ELOVL5: variants seen among roughly 807,000 people sequenced by gnomAD.
The protein encoded by ELOVL5 is ELOVL fatty acid elongase 5, also known as very long chain fatty acid elongase 5.
In ELOVL5, 8 loss-of-function variants were observed where a neutral mutation model predicts 38.6. The ratio of observed to expected loss-of-function variants is 0.21; its 90% CI spans 0.12 to 0.37. The LOEUF is 0.37. Ranked by LOEUF, ELOVL5 falls within the 10% of genes least tolerant of loss-of-function variation. The pLI is 1.00. For missense variants in ELOVL5, 280 were observed against 367.8 expected (o/e 0.76, Z 1.95); for synonymous variants, 127 against 133.7 (o/e 0.95, Z 0.34).
At chr6:53,272,258 T>C (rs1373098103) in intron 6 of ELOVL5, among the ~76,000 whole-genome samples, 2 of 152,222 alleles carry the variant, frequency 1.3e-5, no homozygotes, top group Admixed American at 1.3e-4. Flanking sequence ...CAGCTAGCTT[T>C]GGCCTATTGA....
intron 1 of ELOVL5, among the ~76,000 whole-genome samples, chr6:53,327,861 C>CTT (rs1768617874): frequency 6.6e-6 from 1 of 152,080 alleles, no homozygotes; most frequent in Non-Finnish European, 1.5e-5. Flanking sequence ...CGACTGGATG[C>CTT]TTTTTTTCTG....
chr6:53,286,944 T>C (rs1766595779), intron 3 of ELOVL5, among the ~76,000 whole-genome samples: 1 of 152,228 alleles, frequency 6.6e-6, no homozygotes, highest in African/African-American at 2.4e-5. Flanking sequence ...TTTAGATGCA[T>C]TTTTGTAATG....
chr6:53,295,750 TG>T (rs1766968930), intron 1 of ELOVL5, 43 bp from the exon 2 acceptor site: 1 of 1,227,716 alleles, frequency 8.1e-7, no homozygotes, highest in African/African-American at 1.6e-5. Context: ...CTACTCAAAA[TG>T]TTTTTTATAC....
intron 1 of ELOVL5, among the ~76,000 whole-genome samples, chr6:53,339,053 C>T (rs903173932): frequency 1.3e-5 from 2 of 152,116 alleles, no homozygotes; most frequent in African/African-American, 4.8e-5. Context: ...AATCTACACG[C>T]CCACATTTTA....
At position 53,340,273 on chromosome 6, in the gene ELOVL5, T is replaced by G. The variant is rs76356725; in HGVS notation, c.-9+8544A>C. Among the ~76,000 whole-genome samples the G allele has an allele frequency of 4.3e-3, 659 of 152,102 alleles. 8 individuals are homozygous for G. The highest frequency in any genetic ancestry group is 0.015 in the African/African-American group (636 of 41,534). On this transcript the variant is annotated intron_variant, in intron 1 of 7. Transcript: ENST00000304434. ...TACATATTTTTAAAAAAACTTTTAT[T>G]ATAAATAAGTAGAGATGGAGTCTTG...
At chr6:53,271,832 T>C (rs931312788) in intron 6 of ELOVL5, among the ~76,000 whole-genome samples, 1 of 152,136 alleles carries the variant, frequency 6.6e-6, no homozygotes, top group African/African-American at 2.4e-5. Context: ...AAATAAATCC[T>C]GACAACCTGG....
intron 2 of ELOVL5, chr6:53,294,239 A>G: frequency 6.6e-7 from 1 of 1,522,572 alleles, no homozygotes; most frequent in Non-Finnish European, 8.8e-7. Flanking sequence ...AATCCTTAGG[A>G]TCTAGTCAAT....
At chr6:53,293,581 G>A (rs1238653629) in intron 2 of ELOVL5, among the ~76,000 whole-genome samples, 11 of 152,166 alleles carry the variant, frequency 7.2e-5, no homozygotes, top group Non-Finnish European at 1.6e-4. Flanking sequence ...GCCTCCCAAA[G>A]TACTGGGATT....
intron 1 of ELOVL5, among the ~76,000 whole-genome samples, chr6:53,324,329 C>T (rs571860468): frequency 5.6e-4 from 81 of 143,934 alleles, no homozygotes; most frequent in Middle Eastern, 3.8e-3. Flanking sequence ...ATATTGATTA[C>T]ATAAGTTTAT....
chr6:53,295,168 G>T (rs985114750), intron 2 of ELOVL5, among the ~76,000 whole-genome samples: 1 of 152,164 alleles, frequency 6.6e-6, no homozygotes, highest in Admixed American at 6.5e-5. Context: ...GACATCAAAA[G>T]AAGGCAATAT....
rs1053990560 is a variant in ELOVL5, at chr6:53,348,889, G to T, written c.-81C>A. ...GGCGGCGGAGGGAGCGCGGGTGGCA[G>T]CCGGCGCAGAGGCGGATGTAGAAGG... On this transcript the variant is annotated 5_prime_UTR_variant, in exon 1 of 8. In the 5' UTR this introduces an upstream ATG that the reference lacks. Transcript: ENST00000304434. 6.6e-6 allele frequency: 3 copies of T among 454,518 alleles called. No individual in the cohort carries two copies. Among genetic ancestry groups the T allele is most frequent in the Non-Finnish European group, 1.3e-5 (3 of 226,186 alleles). The allele number at this position is 454,518 out of a possible 1,614,324, so 28.2% of individuals were successfully genotyped here.
chr6:53,303,856 G>C (rs1286843139), intron 1 of ELOVL5, among the ~76,000 whole-genome samples: 1 of 152,166 alleles, frequency 6.6e-6, no homozygotes, highest in Non-Finnish European at 1.5e-5. Context: ...CTTCTAACAA[G>C]TGGAGAGTCA....
chr6:53,306,399 G>A (rs557175809), intron 1 of ELOVL5, among the ~76,000 whole-genome samples: 45 of 140,448 alleles, frequency 3.2e-4, no homozygotes, highest in Non-Finnish European at 5.3e-4. Context: ...AGAGGGGAGA[G>A]GGGCAAACAC....
chr6:53,326,238 T>C (rs893381215), intron 1 of ELOVL5, among the ~76,000 whole-genome samples: 1 of 152,182 alleles, frequency 6.6e-6, no homozygotes, highest in African/African-American at 2.4e-5. Flanking sequence ...TCCTGTGGAC[T>C]CCCAGCTGGC....
At chr6:53,322,411 T>C (rs1303969233) in intron 1 of ELOVL5, among the ~76,000 whole-genome samples, 1 of 152,346 alleles carries the variant, frequency 6.6e-6, no homozygotes, top group East Asian at 1.9e-4. Context: ...GTTATTAGTA[T>C]TACTGTCAAT....
intron 2 of ELOVL5, 44 bp from the exon 3 acceptor site, chr6:53,292,007 A>G: frequency 7.8e-7 from 1 of 1,286,074 alleles, no homozygotes; most frequent in East Asian, 2.6e-5. Flanking sequence ...AACATTCACA[A>G]CTTTTCAAAC....
At chr6:53,340,165 A>G (rs1769267024) in intron 1 of ELOVL5, among the ~76,000 whole-genome samples, 1 of 152,172 alleles carries the variant, frequency 6.6e-6, no homozygotes, top group Non-Finnish European at 1.5e-5. Context: ...AAAGAGTAAA[A>G]AAGTTTAAAA....
At position 53,269,027 on chromosome 6, in the gene ELOVL5, G is replaced by GCA. The variant is rs1471911068; in HGVS notation, c.*99_*100insTG. ...GTCCTACATGAATCACACTATTGTA[G>GCA]GCCAGACTAGTTACAGCAGCTGTTA... On this transcript the variant is annotated 3_prime_UTR_variant, in exon 8 of 8. Transcript: ENST00000304434. 1 of 1,394,034 alleles carries GCA rather than the reference G, an allele frequency of 7.2e-7. No homozygotes were observed. Among genetic ancestry groups the GCA allele is most frequent in the Non-Finnish European group, 9.9e-7 (1 of 1,013,010 alleles). The allele number at this position is 1,394,034 out of a possible 1,614,324, so 86.4% of individuals were successfully genotyped here.
intron 1 of ELOVL5, among the ~76,000 whole-genome samples, chr6:53,302,970 G>C (rs1380183004): frequency 6.6e-6 from 1 of 152,124 alleles, no homozygotes; most frequent in East Asian, 1.9e-4. Flanking sequence ...CAAGGAATCA[G>C]ACTGAGATTT....
Sources: gnomAD v4.1 joint callset for allele counts (sites outside exome capture counted in the v4.1 genomes callset) on GRCh38, gnomAD v4.1.1 for gene constraint, MANE v1.5 for transcripts, NCBI Gene and HGNC (gene_info 2026-07-23, HGNC 2026-07-21) for gene names.